The following STXBP6 variants were observed in gnomAD, a reference collection of about 807,000 sequenced individuals.
STXBP6 encodes the protein syntaxin binding protein 6.
Under a neutral mutation model 26.9 loss-of-function variants are expected in STXBP6, and 21 were observed. The ratio of observed to expected loss-of-function variants is 0.78; its 90% confidence interval spans 0.55 to 1.12. The LOEUF (loss-of-function observed/expected upper bound fraction) is 1.12, where lower values mean the gene tolerates loss of function less well. STXBP6 is among the 50% of genes most tolerant of loss of function. The probability of loss-of-function intolerance (pLI) is 0.00; values close to 1 mark genes in which losing one functional copy is unlikely to be tolerated. For missense variants in STXBP6, 232 were observed against 257.9 expected (o/e 0.90, Z 0.69); for synonymous variants, 97 against 92.6 (o/e 1.05, Z -0.27).
intron 2 of STXBP6, among the ~76,000 whole-genome samples, chr14:24,866,954 A>T (rs1241809675): frequency 2.6e-5 from 4 of 152,114 alleles, no homozygotes; most frequent in Non-Finnish European, 5.9e-5. Flanking sequence ...GAGCAAAAAC[A>T]ACTGTGGGAA....
intron 1 of STXBP6, among the ~76,000 whole-genome samples, chr14:24,976,728 A>G (rs1007885080): frequency 6.6e-6 from 1 of 152,106 alleles, no homozygotes; most frequent in Non-Finnish European, 1.5e-5. Context: ...TTCTAGCTCC[A>G]AGGCCACTTG....
rs1434099563 is a variant in STXBP6 at position 25,049,394 on chromosome 14, A to T, written c.-33+484T>A. 17 of 985,192 alleles carry T rather than the reference A, an allele frequency of 1.7e-5. No individual in the cohort carries two copies. Among genetic ancestry groups the T allele is most frequent in the Non-Finnish European group, 2.0e-5 (17 of 829,926 alleles). The allele number at this position is 985,192 out of a possible 1,614,324, so 61.0% of individuals were successfully genotyped here. ...GCTCGCCTCAGTTTTGGCAGTAATG[A>T]TTTTCCTAGAAGATGCCAGAGTTCG... On this transcript the variant is annotated intron_variant, in intron 1 of 5. Coordinates refer to ENST00000323944, the MANE Select transcript of STXBP6 (RefSeq NM_001394410.1). This position sits in a 1 kb window ranked among gnomAD's most constrained non-coding sequence, Gnocchi z 5.6.
intron 2 of STXBP6, among the ~76,000 whole-genome samples, chr14:24,932,054 G>A (rs1036387764): frequency 2.6e-5 from 4 of 152,140 alleles, no homozygotes; most frequent in South Asian, 2.1e-4. Context: ...GTACTAGATC[G>A]TTTAGGATCT....
intron 1 of STXBP6, among the ~76,000 whole-genome samples, chr14:25,029,173 T>A (rs2075404279): frequency 6.6e-6 from 1 of 152,180 alleles, no homozygotes. Flanking sequence ...ACAGAAGTTC[T>A]ACAGTGGGTA....
At chr14:25,036,374 CAT>C (rs2075552780) in intron 1 of STXBP6, among the ~76,000 whole-genome samples, 1 of 152,088 alleles carries the variant, frequency 6.6e-6, no homozygotes, top group Non-Finnish European at 1.5e-5. Flanking sequence ...TGGCCAAGCA[CAT>C]ATGTCTTTCT....
At position 24,968,980 on chromosome 14, in the gene STXBP6, C is replaced by T. The variant is rs118027887; in HGVS notation, c.154+5685G>A. ...CCCCCCGTGCTGCATTAGAACCAGG[C>T]CATCTGTACTTTGAGAAATTCTAGA... On this transcript the variant is annotated intron_variant, in intron 2 of 5. Coordinates refer to ENST00000323944, the MANE Select transcript of STXBP6 (RefSeq NM_001394410.1). Among the ~76,000 whole-genome samples, 639 of 152,214 alleles carry T rather than the reference C, an allele frequency of 4.2e-3. 13 individuals carry two copies. The East Asian group carries it at 0.046, about 11-fold the overall frequency.
chr14:24,947,885 T>C (rs982394402), intron 2 of STXBP6, among the ~76,000 whole-genome samples: 1 of 152,180 alleles, frequency 6.6e-6, no homozygotes, highest in Non-Finnish European at 1.5e-5. Context: ...TAAAGTATCA[T>C]CTTGTTATAT....
At chr14:24,943,318 A>G (rs2072870512) in intron 2 of STXBP6, among the ~76,000 whole-genome samples, 1 of 152,222 alleles carries the variant, frequency 6.6e-6, no homozygotes, top group Non-Finnish European at 1.5e-5. Context: ...CAGGTGGCCC[A>G]TACTTCTTGC....
intron 2 of STXBP6, among the ~76,000 whole-genome samples, chr14:24,920,401 C>T (rs545373497): frequency 2.0e-5 from 3 of 152,114 alleles, no homozygotes; most frequent in South Asian, 4.2e-4. Flanking sequence ...CTATTTTTAA[C>T]GTTTGATCAA....
At chr14:24,963,753 T>C (rs1019891190) in intron 2 of STXBP6, among the ~76,000 whole-genome samples, 2 of 152,204 alleles carry the variant, frequency 1.3e-5, no homozygotes, top group South Asian at 2.1e-4. Context: ...AATTTTAAGA[T>C]AACCGCTTTC....
intron 1 of STXBP6, among the ~76,000 whole-genome samples, chr14:25,027,498 G>C (rs138056090): frequency 8.6e-5 from 13 of 151,856 alleles, no homozygotes; most frequent in Non-Finnish European, 1.6e-4. Flanking sequence ...CTATCCCTTC[G>C]TCTGAACTCT....
At position 24,862,057 on chromosome 14, in the gene STXBP6, T is replaced by C. The variant is rs533422944; in HGVS notation, c.155-4900A>G. Among the ~76,000 whole-genome samples, 39 of 152,280 alleles carry C rather than the reference T, an allele frequency of 2.6e-4. 1 individual carries two copies. The highest frequency in any genetic ancestry group is 9.1e-4 in the African/African-American group (38 of 41,564). ...TGTTGCCTCTGCTGGAGCGCAGCAGTTGCAGTCATGACTCAGTGCAGCCTC... is the reference window on the plus strand; with the variant it reads ...TGTTGCCTCTGCTGGAGCGCAGCAGCTGCAGTCATGACTCAGTGCAGCCTC... On this transcript the variant is annotated intron_variant, in intron 2 of 5. Transcript: ENST00000323944.
At chr14:24,845,051 G>A (rs1430489776) in intron 4 of STXBP6, among the ~76,000 whole-genome samples, 2 of 148,380 alleles carry the variant, frequency 1.3e-5, no homozygotes, top group Non-Finnish European at 3.0e-5. Flanking sequence ...TCACTCTGTC[G>A]CCCAGGCTGG....
intron 2 of STXBP6, among the ~76,000 whole-genome samples, chr14:24,899,382 T>C (rs770340383): frequency 1.3e-5 from 2 of 152,204 alleles, no homozygotes; most frequent in Non-Finnish European, 2.9e-5. Flanking sequence ...AATTATTCCA[T>C]GCCAGGAGAA....
chr14:24,913,103 T>C (rs985204174), intron 2 of STXBP6, among the ~76,000 whole-genome samples: 1 of 152,140 alleles, frequency 6.6e-6, no homozygotes, highest in African/African-American at 2.4e-5. Context: ...TCAAATGGTA[T>C]GAAACTCAAA....
intron 2 of STXBP6, among the ~76,000 whole-genome samples, chr14:24,944,680 C>T (rs969244365): frequency 6.6e-6 from 1 of 152,148 alleles, no homozygotes; most frequent in Non-Finnish European, 1.5e-5. Context: ...CTCATCACTA[C>T]ACTAGACTAT....
intron 4 of STXBP6, among the ~76,000 whole-genome samples, chr14:24,838,633 G>A (rs2068695341): frequency 6.6e-6 from 1 of 151,680 alleles, no homozygotes; most frequent in Non-Finnish European, 1.5e-5. Flanking sequence ...GCAGTGAGCC[G>A]AGATCGCACC....
intron 2 of STXBP6, among the ~76,000 whole-genome samples, chr14:24,933,028 G>T (rs2072473122): frequency 6.6e-6 from 1 of 152,138 alleles, no homozygotes; most frequent in South Asian, 2.1e-4. Flanking sequence ...GAAATCTTGG[G>T]CATACAGATA....
intron 2 of STXBP6, among the ~76,000 whole-genome samples, chr14:24,936,473 T>A (rs1273482960): frequency 1.3e-5 from 2 of 152,152 alleles, no homozygotes; most frequent in Non-Finnish European, 2.9e-5. Context: ...ATCTCTTCAC[T>A]TTGCAAATAA....
Sources: gnomAD v4.1 joint callset for allele counts (sites outside exome capture counted in the v4.1 genomes callset) on GRCh38, gnomAD v4.1.1 for gene constraint, Gnocchi (gnomAD v3.1) non-coding constraint, MANE v1.5 for transcripts, NCBI Gene and HGNC (gene_info 2026-07-23, HGNC 2026-07-21) for gene names.